Variants in MACF1 observed in about 807,000 individuals in gnomAD.
The protein encoded by MACF1 is microtubule actin crosslinking factor 1, also known as microtubule-actin cross-linking factor 1.
A neutral mutation model predicts 854.8 loss-of-function variants in MACF1; 193 were observed. The ratio of observed to expected loss-of-function variants is 0.23; its 90% CI spans 0.20 to 0.25. The LOEUF (loss-of-function observed/expected upper bound fraction) is 0.25, where lower values mean the gene tolerates loss of function less well. MACF1 is among the 10% of genes least tolerant of loss of function. MACF1 has a pLI of 1.00. For missense variants in MACF1, 7,722 were observed against 8,929.1 expected (o/e 0.86, Z 5.45); for synonymous variants, 3,185 against 3,226.7 (o/e 0.99, Z 0.44).
Position 39,334,628 on chromosome 1 carries a change from G to A in MACF1, c.8040G>A (p.Thr2680=), listed in dbSNP as rs370164879. Residue 2680 remains threonine (T), a synonymous_variant, in exon 37 of 101, where the codon ACG becomes ACA. Transcript: ENST00000564288. ...IQLGKVDFAS[T]LKVLEAQANT... is the part of the protein sequence containing the mutation. ...TTGGAAAAGTAGACTTTGCATCTAC[G>A]CTGAAGGTTCTAGAAGCCCAGGCAA... 1.7e-5 allele frequency: 28 copies of A among 1,613,942 alleles called. No homozygotes were observed. Among genetic ancestry groups the A allele is most frequent in the African/African-American group, 2.7e-5 (2 of 74,918 alleles).
At position 39,105,706 on chromosome 1, in the gene MACF1, AGC is replaced by A; in HGVS notation, c.220+21270_220+21271del. ...GTGCAGGCGTACGAGGATGTGCTGG[AGC>A]GGTACAAAGGTAGGGCCGGGGACTG... On this transcript the variant is annotated intron_variant, in intron 2 of 93. Coordinates refer to the MACF1 transcript ENST00000361689. The surrounding 1 kb of genome is among the most constrained non-coding windows in gnomAD (Gnocchi z 5.9). The A allele has an allele frequency of 8.2e-7, 1 of 1,225,582 alleles. No homozygotes were observed. Among genetic ancestry groups the A allele is most frequent in the Non-Finnish European group, 1.0e-6 (1 of 956,246 alleles). 75.9% of individuals were successfully genotyped at this position (1,225,582 alleles called of 1,614,324 possible). A position where few individuals can be genotyped will look rare whatever the true frequency, so the allele number is the denominator to read the frequency against.
rs116534356 is a variant in MACF1, at chr1:39,258,394, G to A, written c.528+366G>A. ...TTGGTGTTGATGCTTTAGAATGGTG[G>A]AGTGAAGGTTCATAGTCCTGCTCTA... On this transcript the variant is annotated intron_variant, in intron 6 of 100. Coordinates refer to ENST00000564288, the MANE Select transcript of MACF1 (RefSeq NM_001394062.1). 1.9e-3 allele frequency among the ~76,000 whole-genome samples: 287 copies of A among 152,286 alleles called. 1 individual carries two copies. Among genetic ancestry groups the A allele is most frequent in the African/African-American group, 6.6e-3 (273 of 41,556 alleles).
chr1:39,245,139 A>T (rs1461779819), intron 2 of MACF1, among the ~76,000 whole-genome samples: 4 of 152,246 alleles, frequency 2.6e-5, no homozygotes, highest in Non-Finnish European at 4.4e-5. Context: ...ATAACACATA[A>T]CCAGAATTTT....
upstream of MACF1, among the ~76,000 whole-genome samples, chr1:39,204,029 C>T (rs1353939837): frequency 6.6e-6 from 1 of 152,116 alleles, no homozygotes; most frequent in East Asian, 1.9e-4. Context: ...ATCCCAGCAC[C>T]TTTGGAGGCA....
intron 2 of MACF1, among the ~76,000 whole-genome samples, chr1:39,197,995 C>A (rs1025708197): frequency 3.3e-5 from 5 of 151,628 alleles, no homozygotes; most frequent in Non-Finnish European, 7.4e-5. Flanking sequence ...CCCAGGAGTT[C>A]GAGACCAGCC....
At chr1:39,394,408 G>A (rs1642193670) in intron 58 of MACF1, among the ~76,000 whole-genome samples, 1 of 152,112 alleles carries the variant, frequency 6.6e-6, no homozygotes, top group Non-Finnish European at 1.5e-5. Context: ...GATCACCTGA[G>A]GTCAGGAGTT....
intron 48 of MACF1, 91 bp from the exon 49 acceptor site, chr1:39,361,269 C>T: frequency 7.8e-7 from 1 of 1,284,608 alleles, no homozygotes. Flanking sequence ...CCTCCAGTCC[C>T]CCTTGTGAGA....
At chr1:39,472,183 G>A (rs1273709411) in intron 97 of MACF1, among the ~76,000 whole-genome samples, 1 of 152,142 alleles carries the variant, frequency 6.6e-6, no homozygotes, top group Admixed American at 6.5e-5. Flanking sequence ...AGTCAACCAA[G>A]TACTAGGAAT....
chr1:39,257,808 T>G (rs1645114131), intron 5 of MACF1, 128 bp from the exon 6 acceptor site: 2 of 683,930 alleles, frequency 2.9e-6, no homozygotes, highest in Non-Finnish European at 5.0e-6. Context: ...ATACATGTGT[T>G]AAAACTCATA....
At position 39,485,518 on chromosome 1, in the gene MACF1, G is replaced by A; in HGVS notation, c.22412-20G>A. On this transcript the variant is annotated intron_variant, in intron 100 of 100. Transcript: ENST00000564288. ...CCATGCCATCTCTATTAAGTCTGCT[G>A]TTTTATTCTTGAATTCCAGACCCTA... 2 of 1,597,062 alleles carry A rather than the reference G, an allele frequency of 1.3e-6. No individual in the cohort carries two copies. Among genetic ancestry groups the A allele is most frequent in the South Asian group, 1.1e-5 (1 of 89,946 alleles).
chr1:39,470,799 G>A (rs2124142870), intron 97 of MACF1, among the ~76,000 whole-genome samples: 1 of 152,232 alleles, frequency 6.6e-6, no homozygotes, highest in South Asian at 2.1e-4. Flanking sequence ...CTATGAATAA[G>A]GTCCTATTTT....
At chr1:39,232,465 C>A (rs1644789034) in intron 2 of MACF1, among the ~76,000 whole-genome samples, 1 of 152,174 alleles carries the variant, frequency 6.6e-6, no homozygotes, top group African/African-American at 2.4e-5. Context: ...TCTATGAATG[C>A]CTTTTTTTCT....
rs1054063141 is a variant in MACF1, at chr1:39,306,196, G to A, written c.2789+3118G>A. Among the ~76,000 whole-genome samples, 17 of 148,326 alleles carry A rather than the reference G, an allele frequency of 1.1e-4. No homozygotes were observed. The East Asian group carries it at 3.4e-3, about 29-fold the overall frequency. On this transcript the variant is annotated intron_variant, in intron 23 of 100. Transcript: ENST00000564288. Reference sequence around the variant, plus strand: ...TTGGTTTGAGACGGAGTCTCCCTCTGTCGCCCAGGCTGGAGTGCAGTGGTG... The same window carrying A: ...TTGGTTTGAGACGGAGTCTCCCTCTATCGCCCAGGCTGGAGTGCAGTGGTG...
In MACF1 at chr1:39,317,281, C is replaced by T. The variant is rs758439246; in HGVS notation, c.3656C>T (p.Ala1219Val). ...FSVLDEEIAK[A>V]KVVAEQMSRL... Reference sequence around the variant, plus strand: ...GTCCTGGATGAGGAAATTGCCAAGGCCAAGGTAGTGGCAGAGCAGATGAGT... The same window carrying T: ...GTCCTGGATGAGGAAATTGCCAAGGTCAAGGTAGTGGCAGAGCAGATGAGT... The change falls in exon 29 of 101, where the codon GCC (alanine) becomes GTC (valine). Residue 1219 changes from alanine (A) to valine (V), a missense_variant. This residue lies in a region of MACF1 where 1,137 missense variants were observed against 1,263.0 expected (regional missense o/e 0.90). Transcript: ENST00000564288. 3 of 1,613,866 alleles carry T rather than the reference C, an allele frequency of 1.9e-6. No homozygotes were observed. In the African/African-American group the frequency reaches 4.0e-5, roughly 22 times the overall value.
chr1:39,330,460 T>C (rs1045254305), intron 36 of MACF1, among the ~76,000 whole-genome samples: 2 of 152,208 alleles, frequency 1.3e-5, no homozygotes, highest in African/African-American at 2.4e-5. Flanking sequence ...GAGTCTTCTG[T>C]GTGGTTTGCA....
intron 38 of MACF1, 29 bp from the exon 39 acceptor site, chr1:39,340,473 T>C (rs1646913001): frequency 4.5e-6 from 7 of 1,543,730 alleles, no homozygotes; most frequent in Non-Finnish European, 6.2e-6. Flanking sequence ...AGTCTTGCTT[T>C]TATAGGTAAC....
chr1:39,241,203 A>G (rs1644918940), intron 2 of MACF1, among the ~76,000 whole-genome samples: 1 of 152,162 alleles, frequency 6.6e-6, no homozygotes. Flanking sequence ...GTATCTTTTA[A>G]TAAGTGTAGG....
intron 58 of MACF1, among the ~76,000 whole-genome samples, chr1:39,403,837 T>TG (rs202180229): frequency 1.0e-3 from 124 of 122,270 alleles, no homozygotes; most frequent in Non-Finnish European, 1.6e-3. Context: ...TAAAAATTTT[T>TG]GGGCGGGGGG....
At chr1:39,124,100 G>C (rs1642801715) in intron 2 of MACF1, among the ~76,000 whole-genome samples, 1 of 147,352 alleles carries the variant, frequency 6.8e-6, no homozygotes, top group African/African-American at 2.5e-5. Context: ...TGCCCAGGCT[G>C]GTCTCAAGCT....
Sources: allele counts gnomAD v4.1 joint callset (sites outside exome capture counted in the v4.1 genomes callset), GRCh38; gene constraint gnomAD v4.1.1; regional missense constraint gnomAD v4.1.1; non-coding constraint Gnocchi (gnomAD v3.1); transcripts MANE v1.5; gene names NCBI Gene and HGNC (gene_info 2026-07-23, HGNC 2026-07-21).